Variants in LPAR3 observed in about 807,000 individuals in gnomAD.
LPAR3 encodes lysophosphatidic acid receptor 3, also known as LPA receptor 3.
Under a neutral mutation model 17.8 loss-of-function variants are expected in LPAR3, and 7 were observed. The observed-to-expected ratio is 0.39, with a 90% CI of 0.22 to 0.74. The LOEUF is 0.74. Among genes scored for constraint, LPAR3 ranks in the 30% least tolerant of loss-of-function variants. The pLI is 0.40. For missense variants in LPAR3, 391 were observed against 453.4 expected, an observed-to-expected ratio of 0.86 and a Z score of 1.25; for synonymous variants, 179 against 179.9, an observed-to-expected ratio of 0.99 and a Z score of 0.04.
intron 2 of LPAR3, among the ~76,000 whole-genome samples, chr1:84,829,552 G>T (rs978431822): frequency 5.3e-5 from 8 of 152,080 alleles, no homozygotes; most frequent in Admixed American, 3.3e-4. Flanking sequence ...ACACTCTGGA[G>T]GCTCTTGGGA....
At chr1:84,863,283 C>A (rs1453541669) in intron 2 of LPAR3, among the ~76,000 whole-genome samples, 1 of 152,064 alleles carries the variant, frequency 6.6e-6, no homozygotes, top group Admixed American at 6.6e-5. Context: ...CCATGTTGCC[C>A]AGGCTCTTCC....
intron 1 of LPAR3, among the ~76,000 whole-genome samples, chr1:84,889,003 A>G (rs904475536): frequency 2.6e-4 from 39 of 152,228 alleles, no homozygotes; most frequent in African/African-American, 8.9e-4. Flanking sequence ...TTCACATCTG[A>G]AGAGGGGTGA....
chr1:84,865,827 A>G lies in LPAR3; in HGVS notation c.294T>C (p.Thr98=). The G allele has an allele frequency of 1.2e-6, 2 of 1,614,232 alleles. No homozygotes were observed. The highest frequency in any genetic ancestry group is 1.7e-6 in the Non-Finnish European group (2 of 1,180,048). The change falls in exon 2 of 3, where the codon ACT becomes ACC. Residue 98 remains threonine, a synonymous_variant. Coordinates refer to ENST00000370611, the MANE Select transcript of LPAR3 (RefSeq NM_012152.3). ...CCTGACGGAGAAACCAGCGGTTGACAGTCAAAGTTTTTGAAACTGGGCCTG... is the reference window on the plus strand; with the variant it reads ...CCTGACGGAGAAACCAGCGGTTGACGGTCAAAGTTTTTGAAACTGGGCCTG... ...FNTGPVSKTL[T]VNRWFLRQGL...
Position 84,813,943 on chromosome 1 carries a change from C to A in LPAR3, c.965G>T (p.Arg322Leu), listed in dbSNP as rs200323920. 6.2e-7 allele frequency: 1 copy of A among 1,614,110 alleles called. No homozygotes were observed. Among genetic ancestry groups the A allele is most frequent in the African/African-American group, 1.3e-5 (1 of 75,024 alleles). The change falls in exon 3 of 3, where the codon CGC becomes CTC. Residue 322 changes from arginine (R) to leucine (L), a missense_variant. By Grantham distance (102) the Arg-to-Leu change is moderately radical (BLOSUM62 -2). Coordinates refer to ENST00000370611, the MANE Select transcript of LPAR3 (RefSeq NM_012152.3). The part of the protein sequence containing the change: ...SQENPERRPS[R>L]IPSTVLSRSD... The stretch of plus-strand genomic sequence containing the variant: ...CCTGCTGAGGACTGTGGAGGGGATG[C>A]GAGAGGGACGCCTCTCTGGGTTCTC...
intron 2 of LPAR3, among the ~76,000 whole-genome samples, chr1:84,856,272 G>A (rs1659821958): frequency 6.6e-6 from 1 of 152,176 alleles, no homozygotes; most frequent in Non-Finnish European, 1.5e-5. Flanking sequence ...TGCCTGGATG[G>A]CTTGACTCTG....
intron 1 of LPAR3, among the ~76,000 whole-genome samples, chr1:84,878,819 A>T (rs1660304943): frequency 6.6e-6 from 1 of 152,194 alleles, no homozygotes; most frequent in African/African-American, 2.4e-5. Context: ...CGTCCAAACT[A>T]CACTGGCTAG....
At chr1:84,863,477 CAG>C (rs1659978168) in intron 2 of LPAR3, among the ~76,000 whole-genome samples, 1 of 152,144 alleles carries the variant, frequency 6.6e-6, no homozygotes. Flanking sequence ...TCTAGTTCCC[CAG>C]AGTCTCCTGG....
Position 84,865,677 on chromosome 1 carries a change from G to A in LPAR3, c.444C>T (p.Leu148=). The A allele has an allele frequency of 6.2e-7, 1 of 1,614,186 alleles. No homozygotes were observed. ...SNLTKKRVTL[L]ILLVWAIAIF... ...TGGCGATGGCCCAGACAAGCAAAAT[G>A]AGCAGTGTCACCCTCTTTTTGGTCA... The change falls in exon 2 of 3, where the codon CTC becomes CTT. Residue 148 remains leucine, a synonymous_variant. Transcript: ENST00000370611.
At chr1:84,888,266 A>C (rs547617748) in intron 1 of LPAR3, among the ~76,000 whole-genome samples, 1 of 152,138 alleles carries the variant, frequency 6.6e-6, no homozygotes, top group East Asian at 1.9e-4. Flanking sequence ...GACATAGAAA[A>C]AGATTATACT....
intron 2 of LPAR3, among the ~76,000 whole-genome samples, chr1:84,847,247 T>C (rs1417397889): frequency 6.6e-6 from 1 of 152,222 alleles, no homozygotes; most frequent in Admixed American, 6.5e-5. Flanking sequence ...TCATAGTAAC[T>C]CTTGCTTCTG....
chr1:84,869,106 C>G (rs913346838), intron 1 of LPAR3, among the ~76,000 whole-genome samples: 1 of 152,116 alleles, frequency 6.6e-6, no homozygotes, highest in African/African-American at 2.4e-5. Flanking sequence ...AAAAATACTA[C>G]TCAAATTTTC....
intron 2 of LPAR3, among the ~76,000 whole-genome samples, chr1:84,828,907 C>A (rs1375731558): frequency 6.6e-6 from 1 of 152,120 alleles, no homozygotes; most frequent in Admixed American, 6.5e-5. Context: ...CATAATCCAA[C>A]AAGTATTTAT....
Position 84,814,017 on chromosome 1 carries a change from G to T in LPAR3, c.891C>A (p.Asp297Glu). Residue 297 changes from aspartate to glutamate, a missense_variant, in exon 3 of 3, where the codon GAC (aspartate) becomes GAA (glutamate). Asp to Glu is a conservative substitution (Grantham distance 45). Coordinates refer to ENST00000370611, the MANE Select transcript of LPAR3 (RefSeq NM_012152.3). ...VVNPIIYSYK[D>E]EDMYGTMKKM... is the part of the protein sequence containing the mutation. ...TCTTCATGGTGCCATACATGTCCTC[G>T]TCCTTGTAGGAGTAGATGATGGGGT... 1 of 1,614,150 alleles carries T rather than the reference G, an allele frequency of 6.2e-7. No homozygotes were observed. The highest frequency in any genetic ancestry group is 8.5e-7 in the Non-Finnish European group (1 of 1,180,026).
At chr1:84,890,887 G>A (rs969147815) in intron 1 of LPAR3, among the ~76,000 whole-genome samples, 3 of 152,200 alleles carry the variant, frequency 2.0e-5, no homozygotes, top group Non-Finnish European at 2.9e-5. Context: ...CCTTAGGCAT[G>A]TGTGTATAAG....
intron 1 of LPAR3, among the ~76,000 whole-genome samples, chr1:84,872,714 C>A (rs1350340818): frequency 1.3e-5 from 2 of 152,096 alleles, no homozygotes; most frequent in African/African-American, 4.8e-5. Flanking sequence ...GAGCATAGCT[C>A]CTTTATATGT....
At chr1:84,864,211 C>CA (rs111255790) in intron 2 of LPAR3, among the ~76,000 whole-genome samples, 374 of 120,496 alleles carry the variant, frequency 3.1e-3, no homozygotes, top group Middle Eastern at 4.2e-3. Context: ...GGTCCTGTCT[C>CA]AAAAAAAAAA....
At chr1:84,868,639 G>T (rs1462379827) in intron 1 of LPAR3, among the ~76,000 whole-genome samples, 1 of 152,134 alleles carries the variant, frequency 6.6e-6, no homozygotes, top group East Asian at 1.9e-4. Flanking sequence ...ATATTAATAG[G>T]TGGGGACTTT....
intron 2 of LPAR3, among the ~76,000 whole-genome samples, chr1:84,850,860 G>A (rs72718727): frequency 1.3e-5 from 2 of 152,202 alleles, no homozygotes; most frequent in African/African-American, 4.8e-5. Flanking sequence ...GACATAGAAC[G>A]AGTTCTTGTA....
intron 2 of LPAR3, among the ~76,000 whole-genome samples, chr1:84,824,759 A>T (rs913091334): frequency 3.9e-5 from 6 of 152,206 alleles, no homozygotes; most frequent in African/African-American, 1.4e-4. Context: ...ACTTATAAGC[A>T]GATCTGGGAG....
Sources: gnomAD v4.1 joint callset for allele counts (sites outside exome capture counted in the v4.1 genomes callset) on GRCh38, gnomAD v4.1.1 for gene constraint, MANE v1.5 for transcripts, NCBI Gene and HGNC (gene_info 2026-07-23, HGNC 2026-07-21) for gene names.